HTR1F: variants seen among roughly 807,000 people sequenced by gnomAD.
The protein encoded by HTR1F is 5-hydroxytryptamine receptor 1F.
HTR1F carries 17 observed loss-of-function variants against 24.0 expected under a neutral mutation model. The ratio of observed to expected loss-of-function variants is 0.71; its 90% CI spans 0.48 to 1.06. The LOEUF (loss-of-function observed/expected upper bound fraction) is 1.06. Ranked by LOEUF, HTR1F falls within the 50% of genes least tolerant of loss-of-function variation. HTR1F has a pLI of 0.00. For synonymous variants in HTR1F, 186 were observed against 156.8 expected, an observed-to-expected ratio of 1.19 and a Z score of -1.39; for missense variants, 391 against 427.8, an observed-to-expected ratio of 0.91 and a Z score of 0.76.
intron 2 of HTR1F, among the ~76,000 whole-genome samples, chr3:87,825,408 A>G (rs1704442867): frequency 6.6e-6 from 1 of 152,154 alleles, no homozygotes; most frequent in South Asian, 2.1e-4. Flanking sequence ...TAAGTCTAAT[A>G]ATCACTAAAA....
At position 87,987,857 on chromosome 3, in the gene HTR1F, A is replaced by G. The variant is rs146473837; in HGVS notation, c.-42-2851A>G. On this transcript the variant is annotated intron_variant, in intron 2 of 2. Coordinates refer to ENST00000319595, the MANE Select transcript of HTR1F (RefSeq NM_001322209.2). ...ATATATGTATTATATGTATATATGT[A>G]TTTTATATATATATGCCAGTGTAAA... Among the ~76,000 whole-genome samples, 1,293 of 146,194 alleles carry G rather than the reference A, an allele frequency of 8.8e-3. 8 individuals are homozygous for G. Among genetic ancestry groups the G allele is most frequent in the Non-Finnish European group, 0.013 (858 of 66,814 alleles).
chr3:87,929,767 T>G (rs1704216465), intron 2 of HTR1F, among the ~76,000 whole-genome samples: 1 of 152,168 alleles, frequency 6.6e-6, no homozygotes, highest in African/African-American at 2.4e-5. Context: ...TGCTTAGGAT[T>G]ATCTTGGCTA....
At chr3:87,965,181 CTT>C (rs1705137745) in intron 2 of HTR1F, among the ~76,000 whole-genome samples, 1 of 152,154 alleles carries the variant, frequency 6.6e-6, no homozygotes, top group Non-Finnish European at 1.5e-5. Flanking sequence ...TTGATGACCT[CTT>C]TTTCTTAAGC....
chr3:87,845,375 T>C (rs1704916665), intron 2 of HTR1F, among the ~76,000 whole-genome samples: 1 of 151,306 alleles, frequency 6.6e-6, no homozygotes, highest in African/African-American at 2.4e-5. Flanking sequence ...GATAAGCAAC[T>C]TCAGCAAAGT....
chr3:87,850,808 A>C (rs1489825331), intron 2 of HTR1F, among the ~76,000 whole-genome samples: 1 of 151,094 alleles, frequency 6.6e-6, no homozygotes, highest in Non-Finnish European at 1.5e-5. Flanking sequence ...TGTATTTAGG[A>C]ACAACAACAA....
At chr3:87,913,204 A>T (rs181630504) in intron 2 of HTR1F, among the ~76,000 whole-genome samples, 1 of 152,300 alleles carries the variant, frequency 6.6e-6, no homozygotes, top group African/African-American at 2.4e-5. Context: ...CAAAGGTCTA[A>T]TATTAAGCAC....
intron 2 of HTR1F, among the ~76,000 whole-genome samples, chr3:87,892,000 ATCTTC>A (rs766787687): frequency 1.3e-5 from 2 of 152,170 alleles, no homozygotes; most frequent in Non-Finnish European, 2.9e-5. Flanking sequence ...ACATAGTAGT[ATCTTC>A]TCTTCTTCCC....
chr3:87,989,157 G>A (rs1480007123), intron 2 of HTR1F, among the ~76,000 whole-genome samples: 2 of 152,118 alleles, frequency 1.3e-5, no homozygotes, highest in Non-Finnish European at 2.9e-5. Context: ...ATTTATCAAA[G>A]ATATTAATTC....
At chr3:87,877,585 A>G (rs1705698470) in intron 2 of HTR1F, among the ~76,000 whole-genome samples, 1 of 152,180 alleles carries the variant, frequency 6.6e-6, no homozygotes, top group African/African-American at 2.4e-5. Context: ...GACAACAAAC[A>G]TGAAAAGGGC....
intron 2 of HTR1F, among the ~76,000 whole-genome samples, chr3:87,944,944 C>T (rs1704658544): frequency 6.6e-6 from 1 of 152,178 alleles, no homozygotes; most frequent in African/African-American, 2.4e-5. Context: ...GTTACAGGGT[C>T]ACGGAGAAGA....
At chr3:87,946,340 G>T (rs1487950086) in intron 2 of HTR1F, among the ~76,000 whole-genome samples, 1 of 152,134 alleles carries the variant, frequency 6.6e-6, no homozygotes, top group East Asian at 1.9e-4. Context: ...CCTGAAAACA[G>T]AGCTCCCATA....
chr3:87,897,023 A>G (rs1706212742), intron 2 of HTR1F, among the ~76,000 whole-genome samples: 1 of 152,114 alleles, frequency 6.6e-6, no homozygotes, highest in African/African-American at 2.4e-5. Flanking sequence ...TATTAAAAAT[A>G]GAATTACCAT....
chr3:87,940,225 G>A (rs111521410), intron 2 of HTR1F, among the ~76,000 whole-genome samples: 4,888 of 152,200 alleles, frequency 0.032, 240 homozygotes, highest in African/African-American at 0.11. Flanking sequence ...TGTGATCTGC[G>A]AGACTGTTTG....
intron 1 of HTR1F, among the ~76,000 whole-genome samples, chr3:87,798,791 C>G (rs1336445618): frequency 6.6e-6 from 1 of 152,148 alleles, no homozygotes; most frequent in Non-Finnish European, 1.5e-5. Flanking sequence ...ACAAAGCTAA[C>G]CATTAATCAT....
rs145449363 is a variant in HTR1F, at chr3:87,980,618, C to T, written c.-42-10090C>T. Among the ~76,000 whole-genome samples, 319 of 152,228 alleles carry T rather than the reference C, an allele frequency of 2.1e-3. 1 individual carries two copies. Among genetic ancestry groups the T allele is most frequent in the African/African-American group, 7.3e-3 (305 of 41,540 alleles). ...TCACTGGGGGCTTGCTCCTTTCCAC[C>T]CAGGAGCCTGTCTGCCTCCTGCCAC... On this transcript the variant is annotated intron_variant, in intron 2 of 2. Transcript: ENST00000319595.
intron 2 of HTR1F, among the ~76,000 whole-genome samples, chr3:87,834,276 A>C (rs1368544343): frequency 6.6e-6 from 1 of 152,216 alleles, no homozygotes; most frequent in African/African-American, 2.4e-5. Context: ...AGGTATGCAT[A>C]ATACATGTAT....
At chr3:87,804,750 T>C (rs993882700) in intron 1 of HTR1F, among the ~76,000 whole-genome samples, 4 of 152,088 alleles carry the variant, frequency 2.6e-5, no homozygotes, top group Non-Finnish European at 5.9e-5. Flanking sequence ...ATAGAAATTA[T>C]TGATAATATG....
chr3:87,863,479 C>T (rs1178726965), intron 2 of HTR1F, among the ~76,000 whole-genome samples: 2 of 152,186 alleles, frequency 1.3e-5, no homozygotes, highest in Non-Finnish European at 2.9e-5. Context: ...ACATTAATTA[C>T]TTACAAATTC....
Position 87,991,812 on chromosome 3 carries a change from A to C in HTR1F, c.1063A>C (p.Lys355Gln). 1 of 1,590,298 alleles carries C rather than the reference A, an allele frequency of 6.3e-7. No individual in the cohort carries two copies. Among genetic ancestry groups the C allele is most frequent in the Non-Finnish European group, 8.6e-7 (1 of 1,169,282 alleles). The part of the protein sequence containing the change: ...LIYTIFNEDF[K>Q]KAFQKLVRCR... Reference sequence around the variant, plus strand: ...TTACACAATCTTTAATGAAGACTTCAAGAAAGCATTCCAAAAGCTTGTGCG... The same window carrying C: ...TTACACAATCTTTAATGAAGACTTCCAGAAAGCATTCCAAAAGCTTGTGCG... Residue 355 changes from lysine (K) to glutamine (Q), a missense_variant, in exon 3 of 3, where the codon AAG becomes CAG. Lys to Gln is a moderately conservative substitution (Grantham distance 53). Transcript: ENST00000319595.
Sources: gnomAD v4.1 joint callset for allele counts (sites outside exome capture counted in the v4.1 genomes callset) on GRCh38, gnomAD v4.1.1 for gene constraint, MANE v1.5 for transcripts, NCBI Gene and HGNC (gene_info 2026-07-23, HGNC 2026-07-21) for gene names.